FTO: variants seen among roughly 807,000 people sequenced by gnomAD.
FTO encodes the protein alpha-ketoglutarate-dependent dioxygenase FTO.
Under a neutral mutation model 63.9 loss-of-function variants are expected in FTO, and 47 were observed. The observed-to-expected ratio is 0.74, with a 90% CI of 0.58 to 0.94. The LOEUF is 0.94. FTO is among the 40% of genes least tolerant of loss of function. The pLI is 0.00. For synonymous variants in FTO, 207 were observed against 224.4 expected (o/e 0.92, Z 0.69); for missense variants, 562 against 618.1 (o/e 0.91, Z 0.96).
chr16:53,744,946 TC>T (rs1416077317), intron 1 of FTO, among the ~76,000 whole-genome samples: 2 of 152,184 alleles, frequency 1.3e-5, no homozygotes, highest in Non-Finnish European at 2.9e-5. Context: ...CCTGTCATTA[TC>T]ATGATAAATA....
chr16:53,907,552 A>G (rs1295486264), intron 7 of FTO, among the ~76,000 whole-genome samples: 1 of 152,146 alleles, frequency 6.6e-6, no homozygotes, highest in Non-Finnish European at 1.5e-5. Flanking sequence ...CACCCTAGTA[A>G]AGTTGAAAAA....
chr16:53,874,396 A>G (rs947626688), intron 5 of FTO, among the ~76,000 whole-genome samples: 7 of 152,186 alleles, frequency 4.6e-5, no homozygotes, highest in African/African-American at 1.7e-4. Flanking sequence ...ACCACTTGCA[A>G]TGGCCCATGG....
At chr16:53,880,020 A>G (rs771178239) in intron 6 of FTO, 33 bp downstream of exon 6, 60 of 1,510,532 alleles carry the variant, frequency 4.0e-5, no homozygotes, top group Non-Finnish European at 5.3e-5. Flanking sequence ...TTTGAGATGG[A>G]GTCTCGCTCT....
At chr16:53,785,141 A>C (rs1456333715) in intron 1 of FTO, among the ~76,000 whole-genome samples, 1 of 152,186 alleles carries the variant, frequency 6.6e-6, no homozygotes, top group Non-Finnish European at 1.5e-5. Context: ...TTTAATGAAA[A>C]TAGTTTTAAA....
chr16:53,735,908 C>T (rs1259164326), intron 1 of FTO, among the ~76,000 whole-genome samples: 1 of 152,104 alleles, frequency 6.6e-6, no homozygotes, highest in Non-Finnish European at 1.5e-5. Context: ...CTGTTAGCAG[C>T]TCTAAAATCT....
In FTO at chr16:53,846,619, G is replaced by T. The variant is rs2079627073; in HGVS notation, c.895+2321G>T. Among the ~76,000 whole-genome samples the T allele has an allele frequency of 2.0e-5, 3 of 152,070 alleles. No individual in the cohort carries two copies. The South Asian group carries it at 6.2e-4, about 32-fold the overall frequency. ...AGTTCAAGACCAGCCTGGCCAACTT[G>T]ATGAAACCCCCCGTCTCCACTAAAA... On this transcript the variant is annotated intron_variant, in intron 4 of 8. Transcript: ENST00000471389.
intron 2 of FTO, among the ~76,000 whole-genome samples, chr16:53,818,971 T>C (rs1007701827): frequency 2.6e-5 from 4 of 152,300 alleles, no homozygotes; most frequent in Admixed American, 2.6e-4. Context: ...TGAAAAGATA[T>C]GGGCATATTT....
chr16:53,886,586 T>G (rs1416684584), intron 6 of FTO, among the ~76,000 whole-genome samples: 1 of 152,270 alleles, frequency 6.6e-6, no homozygotes, highest in Non-Finnish European at 1.5e-5. Flanking sequence ...AGATAAGTTT[T>G]AGCAACTGTT....
chr16:53,994,142 G>C (rs2083878290), intron 8 of FTO: 2 of 152,076 alleles, frequency 1.3e-5, no homozygotes, highest in Admixed American at 1.3e-4. Flanking sequence ...GCCAACTGCA[G>C]GAAAAAGTTC....
intron 4 of FTO, among the ~76,000 whole-genome samples, chr16:53,867,507 G>C: frequency 6.6e-6 from 1 of 151,718 alleles, no homozygotes; most frequent in Non-Finnish European, 1.5e-5. Flanking sequence ...GTGTGTGTGT[G>C]TGTGTGTGTG....
At chr16:53,872,280 C>T (rs1044546504) in intron 4 of FTO, among the ~76,000 whole-genome samples, 7 of 152,194 alleles carry the variant, frequency 4.6e-5, no homozygotes, top group Admixed American at 3.9e-4. Context: ...TTTATTCATA[C>T]ATGCACAGGT....
At chr16:53,919,647 T>C (rs1272520751) in intron 7 of FTO, among the ~76,000 whole-genome samples, 3 of 152,160 alleles carry the variant, frequency 2.0e-5, no homozygotes, top group African/African-American at 7.2e-5. Context: ...TGGAATACTA[T>C]TCAGCCATAA....
chr16:53,815,624 A>AC (rs1390956384), intron 2 of FTO, among the ~76,000 whole-genome samples: 1 of 119,818 alleles, frequency 8.3e-6, no homozygotes, highest in African/African-American at 4.1e-5. Context: ...CTATAAGGCC[A>AC]TTGACTTTCT....
At chr16:53,967,065 A>G (rs1881187216) in intron 8 of FTO, among the ~76,000 whole-genome samples, 2 of 152,188 alleles carry the variant, frequency 1.3e-5, no homozygotes, top group South Asian at 4.1e-4. Flanking sequence ...TCATTATAAT[A>G]AGGATAGCTT....
chr16:53,883,830 T>G (rs1225028362), intron 6 of FTO, among the ~76,000 whole-genome samples: 1 of 152,086 alleles, frequency 6.6e-6, no homozygotes, highest in Non-Finnish European at 1.5e-5. Flanking sequence ...TTCTTCAAGG[T>G]CATCTCCTTA....
Position 53,810,235 on chromosome 16 carries a change from T to G in FTO, c.123+18T>G, listed in dbSNP as rs200145312. On this transcript the variant is annotated intron_variant, in intron 2 of 8. Coordinates refer to ENST00000471389, the MANE Select transcript of FTO (RefSeq NM_001080432.3). ...ATCAGCAGGTAAGGTATTTTAATAT[T>G]TTTATCAGTTTCAGTGATGTGTTCT... 5 of 1,527,612 alleles carry G rather than the reference T, an allele frequency of 3.3e-6. No individual in the cohort carries two copies. The Admixed American group carries it at 6.7e-5, about 20-fold the overall frequency. The allele number at this position is 1,527,612 out of a possible 1,614,324, so 94.6% of individuals were successfully genotyped here.
At chr16:53,753,200 C>T (rs1195506056) in intron 1 of FTO, among the ~76,000 whole-genome samples, 1 of 150,744 alleles carries the variant, frequency 6.6e-6, no homozygotes, top group Non-Finnish European at 1.5e-5. Context: ...TTGCAGTGAG[C>T]CGTGATCGCA....
intron 7 of FTO, among the ~76,000 whole-genome samples, chr16:53,920,541 A>C (rs9927453): frequency 0.025 from 3,768 of 152,204 alleles, 164 homozygotes; most frequent in African/African-American, 0.085. Flanking sequence ...AATTTTCCCA[A>C]ATCTTTCATT....
chr16:53,950,751 T>C (rs2082775864), intron 8 of FTO, among the ~76,000 whole-genome samples: 1 of 152,216 alleles, frequency 6.6e-6, no homozygotes, highest in East Asian at 1.9e-4. Context: ...TGTTTTACTG[T>C]CTTTCCCATA....
Sources: allele counts gnomAD v4.1 joint callset (sites outside exome capture counted in the v4.1 genomes callset), GRCh38; gene constraint gnomAD v4.1.1; transcripts MANE v1.5; gene names NCBI Gene and HGNC (gene_info 2026-07-23, HGNC 2026-07-21).